Variants in MKI67 observed in about 807,000 individuals in gnomAD.
The protein encoded by MKI67 is proliferation marker protein Ki-67.
MKI67 carries 152 observed loss-of-function variants against 233.5 expected under a neutral mutation model. The ratio of observed to expected loss-of-function variants is 0.65; its 90% CI spans 0.57 to 0.74. The LOEUF (loss-of-function observed/expected upper bound fraction) is 0.74, where lower values mean the gene tolerates loss of function less well. MKI67 is among the 30% of genes least tolerant of loss of function. The pLI, the probability that MKI67 is intolerant of heterozygous loss-of-function variation, is 0.00. For missense variants in MKI67, 3,940 were observed against 3,885.2 expected, an observed-to-expected ratio of 1.01 and a Z score of -0.37; for synonymous variants, 1,465 against 1,418.5, an observed-to-expected ratio of 1.03 and a Z score of -0.74.
rs1852417734 is a variant in MKI67 at position 128,104,244 on chromosome 10, G to C, written c.7596C>G (p.Ile2532Met). Residue 2532 changes from isoleucine to methionine, a missense_variant, in exon 13 of 15, where the codon ATC becomes ATG. Physicochemically the swap from Ile to Met is conservative, Grantham distance 10. Coordinates refer to ENST00000368654, the MANE Select transcript of MKI67 (RefSeq NM_002417.5). ...CAGTTACACTTGCTGCTGGGTCCAG[G>C]ATCTGCTTTGGAGACTCCTTAAACG... Reference protein sequence around the residue: ...IKAFKESPKQILDPAASVTGS... With the variant: ...IKAFKESPKQMLDPAASVTGS... 1 of 1,613,726 alleles carries C rather than the reference G, an allele frequency of 6.2e-7. No individual in the cohort carries two copies. The highest frequency in any genetic ancestry group is 1.7e-5 in the Admixed American group (1 of 59,976).
At position 128,115,351 on chromosome 10, in the gene MKI67, G is replaced by A. The variant is rs1852777795; in HGVS notation, c.1057C>T (p.Gln353Ter). ...TGTTTTTGTGGAGAATTTTGTTGCT[G>A]TGAATATTGTACAGGGGTCTTCATT... ...AKMKTPVQYSQQQNSPQKHKN... is the reference protein window; with the variant it reads ...AKMKTPVQYS The change falls in exon 7 of 15, where the codon CAG (glutamine) becomes TAG (stop). Residue 353 changes from glutamine to a stop codon, truncating the protein, a stop_gained. Transcript: ENST00000368654. LOFTEE classifies it high-confidence loss of function. 6.2e-7 allele frequency: 1 copy of A among 1,614,154 alleles called. No individual in the cohort carries two copies. Among genetic ancestry groups the A allele is most frequent in the Non-Finnish European group, 8.5e-7 (1 of 1,180,032 alleles).
rs537779233 is a variant in MKI67, at chr10:128,103,945, G to A, written c.7895C>T (p.Thr2632Ile). Residue 2632 changes from threonine (T) to isoleucine (I), a missense_variant, in exon 13 of 15, where the codon ACA becomes ATA. Coordinates refer to ENST00000368654, the MANE Select transcript of MKI67 (RefSeq NM_002417.5). ...ATCACCGCTTGCTGGTTCTTTGTGT[G>A]TGTGTGTGCTTTGCCCTGATGTTTG... ...LTQTSGQSTH[T>I]HKEPASGDEG... is the part of the protein sequence containing the mutation. The A allele has an allele frequency of 1.4e-5, 23 of 1,614,100 alleles. No individual in the cohort carries two copies. In the Admixed American group the frequency reaches 3.3e-4, roughly 23 times the overall value.
At chr10:128,100,799 ATG>A (rs1385552699) in intron 14 of MKI67, among the ~76,000 whole-genome samples, 1 of 152,228 alleles carries the variant, frequency 6.6e-6, no homozygotes, top group Admixed American at 6.5e-5. Context: ...CATAGTGAGC[ATG>A]TGTCTCAGGG....
rs1238016561 is a variant in MKI67, at chr10:128,125,744, TACAACTCTTCC to T, written c.-88_-78del. ...CGTAGGGGAAGGCCAGAAGCAAATTTACAACTCTTCCACTGCAAAAGAGGTGCGAGTTACTC... is the reference window on the plus strand; with the variant it reads ...CGTAGGGGAAGGCCAGAAGCAAATTTACTGCAAAAGAGGTGCGAGTTACTC... On this transcript the variant is annotated splice_region_variant and 5_prime_UTR_variant, in exon 2 of 15. Coordinates refer to ENST00000368654, the MANE Select transcript of MKI67 (RefSeq NM_002417.5). This position sits in a 1 kb window ranked among gnomAD's most constrained non-coding sequence, Gnocchi z 5.3. The T allele has an allele frequency of 1.1e-5, 13 of 1,232,768 alleles. No individual in the cohort carries two copies. The highest frequency in any genetic ancestry group is 1.6e-5 in the Non-Finnish European group (13 of 833,860). 76.4% of individuals were successfully genotyped at this position (1,232,768 alleles called of 1,614,324 possible). A position where few individuals can be genotyped will look rare whatever the true frequency, so the allele number is the denominator to read the frequency against.
Position 128,106,928 on chromosome 10 carries a change from C to G in MKI67, c.4912G>C (p.Gly1638Arg). Residue 1638 changes from glycine (G) to arginine (R), a missense_variant, in exon 13 of 15, where the codon GGG becomes CGG. Transcript: ENST00000368654. ...SSKRRLKTSL[G>R]KVGVKEELLA... is the part of the protein sequence containing the mutation. ...AGCTCTTCTTTCACGCCCACTTTCCCCAGGGATGTCTTGAGCCGTCGCTTG... is the reference window on the plus strand; with the variant it reads ...AGCTCTTCTTTCACGCCCACTTTCCGCAGGGATGTCTTGAGCCGTCGCTTG... 1 of 1,613,582 alleles carries G rather than the reference C, an allele frequency of 6.2e-7. No individual in the cohort carries two copies. The highest frequency in any genetic ancestry group is 8.5e-7 in the Non-Finnish European group (1 of 1,179,872).
chr10:128,114,833 A>G (rs1294556291), intron 7 of MKI67, 95 bp downstream of exon 7: 4 of 1,264,788 alleles, frequency 3.2e-6, no homozygotes, highest in Non-Finnish European at 4.4e-6. Context: ...ATTCTCTTCC[A>G]CAAAGCTAAT....
rs1271473255 is a variant in MKI67, at chr10:128,106,959, T to A, written c.4881A>T (p.Ala1627=). The A allele has an allele frequency of 7.4e-6, 12 of 1,614,164 alleles. 1 individual carries two copies. In the South Asian group the frequency reaches 1.3e-4, roughly 18 times the overall value. ...SSQPDPDKNP[A]SSKRRLKTSL... The stretch of plus-strand genomic sequence containing the variant: ...ATGTCTTGAGCCGTCGCTTGGAGCT[T>A]GCTGGGTTTTTGTCTGGGTCTGGTT... Residue 1627 remains alanine, a synonymous_variant, in exon 13 of 15, where the codon GCA becomes GCT. Coordinates refer to ENST00000368654, the MANE Select transcript of MKI67 (RefSeq NM_002417.5).
In MKI67 at chr10:128,111,525, T is replaced by C. The variant is rs777043029; in HGVS notation, c.2260+120A>G. On this transcript the variant is annotated intron_variant, in intron 11 of 14. Transcript: ENST00000368654. ...GAACACTAAGACCCCAGAAGGGTGATTGAGTCGTTTATTTTATAATCTCTT... is the reference window on the plus strand; with the variant it reads ...GAACACTAAGACCCCAGAAGGGTGACTGAGTCGTTTATTTTATAATCTCTT... 14 of 910,802 alleles carry C rather than the reference T, an allele frequency of 1.5e-5. 1 individual carries two copies. The highest frequency in any genetic ancestry group is 3.4e-5 in the African/African-American group (2 of 59,408). 56.4% of individuals were successfully genotyped at this position (910,802 alleles called of 1,614,324 possible). A position where few individuals can be genotyped will look rare whatever the true frequency, so the allele number is the denominator to read the frequency against.
In MKI67 at chr10:128,107,642, C is replaced by G; in HGVS notation, c.4198G>C (p.Val1400Leu). ...TTCAGGGCTGAGAGCTCCTTCTGTA[C>G]GTCCCTTTTCTCCAAAGGTGTCTTG... ...QPKTPLEKRD[V>L]QKELSALKKL... The change falls in exon 13 of 15, where the codon GTA becomes CTA. Residue 1400 changes from valine to leucine, a missense_variant. Physicochemically the swap from Val to Leu is conservative, Grantham distance 32. Transcript: ENST00000368654. 1 of 1,614,012 alleles carries G rather than the reference C, an allele frequency of 6.2e-7. No homozygotes were observed. The highest frequency in any genetic ancestry group is 8.5e-7 in the Non-Finnish European group (1 of 1,180,018).
Position 128,110,365 on chromosome 10 carries a change from C to T in MKI67, c.2416+13G>A. ...CCCAAAACATCACAGTGTTAGGAAA[C>T]AAGGAAACCAACCAAAACTCTCTGA... is the stretch of plus-strand genomic sequence containing the variant. On this transcript the variant is annotated intron_variant, in intron 12 of 14. Coordinates refer to ENST00000368654, the MANE Select transcript of MKI67 (RefSeq NM_002417.5). The T allele has an allele frequency of 6.5e-7, 1 of 1,543,112 alleles. No individual in the cohort carries two copies. The highest frequency in any genetic ancestry group is 2.3e-5 in the East Asian group (1 of 43,554).
In MKI67 at chr10:128,104,083, C is replaced by T; in HGVS notation, c.7757G>A (p.Cys2586Tyr). Residue 2586 changes from cysteine (C) to tyrosine (Y), a missense_variant, in exon 13 of 15, where the codon TGC becomes TAC. Transcript: ENST00000368654. ...MTIDKNTKIPCKSPPPELTDT... is the reference protein window; with the variant it reads ...MTIDKNTKIPYKSPPPELTDT... ...TGTTAGTTCTGGTGGGGGAGATTTG[C>T]AGGGAATTTTTGTGTTTTTGTCAAT... 1 of 1,613,940 alleles carries T rather than the reference C, an allele frequency of 6.2e-7. No individual in the cohort carries two copies. The highest frequency in any genetic ancestry group is 2.2e-5 in the East Asian group (1 of 44,870).
chr10:128,113,589 T>C lies in MKI67; in HGVS notation c.1494A>G (p.Gly498=), dbSNP rs1053448051. Residue 498 remains glycine (G), a synonymous_variant, in exon 8 of 15, where the codon GGA becomes GGG. Coordinates refer to ENST00000368654, the MANE Select transcript of MKI67 (RefSeq NM_002417.5). ...NFGDSINESE[G]IPLKRRRVSF... ...ACACACGCCTTCTTTTCAAAGGTAT[T>C]CCCTCACTCTCATCTAAAGTAACGG... The C allele has an allele frequency of 1.7e-5, 27 of 1,614,016 alleles. No individual in the cohort carries two copies. The highest frequency in any genetic ancestry group is 2.3e-5 in the Non-Finnish European group (27 of 1,179,898).
intron 5 of MKI67, among the ~76,000 whole-genome samples, chr10:128,117,993 G>A (rs893073810): frequency 1.3e-5 from 2 of 152,166 alleles, no homozygotes; most frequent in African/African-American, 4.8e-5. Context: ...CTAGCAAGTT[G>A]CCTGGTGGCT....
intron 5 of MKI67, among the ~76,000 whole-genome samples, chr10:128,117,832 G>C (rs1395784319): frequency 1.3e-5 from 2 of 152,154 alleles, no homozygotes; most frequent in African/African-American, 4.8e-5. Context: ...CCACAAAATT[G>C]CTGTCGAATT....
rs549282205 is a variant in MKI67, at chr10:128,102,825, G to A, written c.9015C>T (p.Ser3005=). The change falls in exon 13 of 15, where the codon AGC becomes AGT. Residue 3005 remains serine, a synonymous_variant. Coordinates refer to ENST00000368654, the MANE Select transcript of MKI67 (RefSeq NM_002417.5). ...AGCGCAGCCTCTTGGTTCCCGTGACGCTTCCATCTTTGCCACCTCCCCTCT... is the reference window on the plus strand; with the variant it reads ...AGCGCAGCCTCTTGGTTCCCGTGACACTTCCATCTTTGCCACCTCCCCTCT... The part of the protein sequence containing the change: ...PFKRGGGKDG[S]VTGTKRLRCM... 5.6e-5 allele frequency: 91 copies of A among 1,614,180 alleles called. No individual in the cohort carries two copies. The highest frequency in any genetic ancestry group is 3.3e-4 in the South Asian group (30 of 91,082).
Position 128,099,049 on chromosome 10 carries a change from A to T in MKI67, c.*141T>A. On this transcript the variant is annotated 3_prime_UTR_variant, in exon 15 of 15. Transcript: ENST00000368654. ...AGTGGAGTTTATGAAGCCGATTCAG[A>T]CCCAGCAAATCCAAAGTTTTCTTCC... 3.3e-6 allele frequency: 2 copies of T among 607,546 alleles called. No homozygotes were observed. The highest frequency in any genetic ancestry group is 5.6e-6 in the Non-Finnish European group (2 of 358,046). 37.6% of individuals were successfully genotyped at this position (607,546 alleles called of 1,614,324 possible).
Position 128,105,404 on chromosome 10 carries a change from T to G in MKI67, c.6436A>C (p.Thr2146Pro). The change falls in exon 13 of 15, where the codon ACA becomes CCA. Residue 2146 changes from threonine to proline, a missense_variant. Thr to Pro is a conservative substitution (Grantham distance 38). Transcript: ENST00000368654. Reference protein sequence around the residue: ...ALKQLTQTTHTDKVPGDEDKG... With the variant: ...ALKQLTQTTHPDKVPGDEDKG... ...TCCTCATCTCCTGGTACTTTGTCTG[T>G]GTGTGTGGTCTGTGTGAGCTGCTTC... is the stretch of plus-strand genomic sequence containing the variant. 1 of 1,614,172 alleles carries G rather than the reference T, an allele frequency of 6.2e-7. No individual in the cohort carries two copies. The highest frequency in any genetic ancestry group is 8.5e-7 in the Non-Finnish European group (1 of 1,180,034).
At chr10:128,121,871 C>G (rs1180731982) in intron 4 of MKI67, among the ~76,000 whole-genome samples, 1 of 151,776 alleles carries the variant, frequency 6.6e-6, no homozygotes, top group East Asian at 1.9e-4. Context: ...ATGAATCTCA[C>G]ACACAGAAAA....
In MKI67 at chr10:128,107,164, A is replaced by T; in HGVS notation, c.4676T>A (p.Val1559Glu). 6.2e-7 allele frequency: 1 copy of T among 1,613,712 alleles called. No homozygotes were observed. Among genetic ancestry groups the T allele is most frequent in the Non-Finnish European group, 8.5e-7 (1 of 1,179,968 alleles). Residue 1559 changes from valine to glutamate, a missense_variant, in exon 13 of 15, where the codon GTG (valine) becomes GAG (glutamate). By Grantham distance (121) the Val-to-Glu change is moderately radical. Coordinates refer to ENST00000368654, the MANE Select transcript of MKI67 (RefSeq NM_002417.5). Reference sequence around the variant, plus strand: ...GTTCTCTGTCAGGTCCAGTTTCTGCACTGGAGTTCCCATAAATGCGTAGAT... The same window carrying T: ...GTTCTCTGTCAGGTCCAGTTTCTGCTCTGGAGTTCCCATAAATGCGTAGAT... ...KNIYAFMGTPVQKLDLTENLT... is the reference protein window; with the variant it reads ...KNIYAFMGTPEQKLDLTENLT...
Sources: gnomAD v4.1 joint callset for allele counts (sites outside exome capture counted in the v4.1 genomes callset) on GRCh38, gnomAD v4.1.1 for gene constraint, Gnocchi (gnomAD v3.1) non-coding constraint, MANE v1.5 for transcripts, NCBI Gene and HGNC (gene_info 2026-07-23, HGNC 2026-07-21) for gene names.